DDAH1: variants seen among roughly 807,000 people sequenced by gnomAD.
DDAH1 encodes N(G),N(G)-dimethylarginine dimethylaminohydrolase 1.
In DDAH1, 19 loss-of-function variants were observed where a neutral mutation model predicts 28.8. The ratio of observed to expected loss-of-function variants is 0.66; its 90% confidence interval spans 0.46 to 0.97. The LOEUF (loss-of-function observed/expected upper bound fraction) is 0.97, where lower values mean the gene tolerates loss of function less well. DDAH1 is among the 50% of genes least tolerant of loss of function. The pLI is 0.00. For missense variants in DDAH1, 326 were observed against 375.9 expected (o/e 0.87, Z 1.10); for synonymous variants, 153 against 154.4 (o/e 0.99, Z 0.07).
At chr1:85,550,826 G>A (rs567111021) in intron 1 of DDAH1, among the ~76,000 whole-genome samples, 84 of 152,264 alleles carry the variant, frequency 5.5e-4, no homozygotes, top group Middle Eastern at 3.4e-3. Context: ...GAAGGCAGAC[G>A]TGTCATCTAT....
intron 2 of DDAH1, among the ~76,000 whole-genome samples, chr1:85,471,390 C>T (rs965775719): frequency 3.3e-5 from 5 of 152,220 alleles, no homozygotes; most frequent in African/African-American, 7.2e-5. Flanking sequence ...TAAACATGCT[C>T]TTCAGAATTC....
chr1:85,526,796 A>C (rs1379219420), intron 1 of DDAH1, among the ~76,000 whole-genome samples: 2 of 147,226 alleles, frequency 1.4e-5, no homozygotes, highest in African/African-American at 5.1e-5. Context: ...CTGGCCCTGG[A>C]ATGTTTGATA....
At chr1:85,369,055 C>CTTTTTTTTT (rs36109764) in intron 1 of DDAH1, among the ~76,000 whole-genome samples, 1 of 84,610 alleles carries the variant, frequency 1.2e-5, no homozygotes, top group Non-Finnish European at 2.2e-5. Flanking sequence ...CCAGGGGATT[C>CTTTTTTTTT]TTTTTTTTTT....
intron 1 of DDAH1, among the ~76,000 whole-genome samples, chr1:85,408,588 AG>A (rs1258346146): frequency 6.6e-6 from 1 of 152,214 alleles, no homozygotes; most frequent in African/African-American, 2.4e-5. Context: ...ATTGCTAAAA[AG>A]TATGTCACAG....
At chr1:85,332,446 G>A (rs1647835071) in intron 4 of DDAH1, among the ~76,000 whole-genome samples, 1 of 152,220 alleles carries the variant, frequency 6.6e-6, no homozygotes, top group Admixed American at 6.5e-5. Context: ...TAGAAGGGCT[G>A]CTTCACACTA....
At chr1:85,456,431 G>A (rs865953460) in intron 1 of DDAH1, among the ~76,000 whole-genome samples, 2 of 152,226 alleles carry the variant, frequency 1.3e-5, no homozygotes, top group South Asian at 2.1e-4. Context: ...TGGTGCAAAA[G>A]TGATATGAAT....
chr1:85,452,306 A>G (rs748000423), intron 1 of DDAH1, among the ~76,000 whole-genome samples: 5 of 152,190 alleles, frequency 3.3e-5, no homozygotes, highest in Non-Finnish European at 7.3e-5. Context: ...AGTAGATTTA[A>G]AACCTGTTGA....
chr1:85,478,865 TG>T, intron 2 of DDAH1, among the ~76,000 whole-genome samples: 1 of 152,268 alleles, frequency 6.6e-6, no homozygotes, highest in East Asian at 1.9e-4. Context: ...TGATAAAGAA[TG>T]GGTTGTTAAT....
rs114774200 is a variant in DDAH1, at chr1:85,560,392, T to C, written c.-123+17592A>G. Reference sequence around the variant, plus strand: ...GATCTATACAAAGGAATAATGAATGTCAGAAATGATAAACATGTGAGTAAA... The same window carrying C: ...GATCTATACAAAGGAATAATGAATGCCAGAAATGATAAACATGTGAGTAAA... On this transcript the variant is annotated intron_variant, in intron 1 of 6. Transcript: ENST00000426972. 7.1e-3 allele frequency among the ~76,000 whole-genome samples: 1,080 copies of C among 152,220 alleles called. 13 individuals carry two copies. Among genetic ancestry groups the C allele is most frequent in the African/African-American group, 0.025 (1,030 of 41,556 alleles).
At chr1:85,566,833 T>C (rs1470826156) in intron 1 of DDAH1, among the ~76,000 whole-genome samples, 1 of 152,100 alleles carries the variant, frequency 6.6e-6, no homozygotes, top group African/African-American at 2.4e-5. Flanking sequence ...GAGAGAGATT[T>C]ATTATAAGGA....
intron 2 of DDAH1, chr1:85,488,160 G>C (rs1247213953): frequency 6.6e-6 from 1 of 152,090 alleles, no homozygotes; most frequent in Non-Finnish European, 1.5e-5. Flanking sequence ...CTCCAGCCTG[G>C]GTGACAGAAC....
chr1:85,408,134 C>T (rs750459409), intron 1 of DDAH1, among the ~76,000 whole-genome samples: 19 of 152,192 alleles, frequency 1.2e-4, no homozygotes, highest in Admixed American at 2.0e-4. Context: ...GAAACCAAAT[C>T]CTTGTTTCCC....
intron 3 of DDAH1, among the ~76,000 whole-genome samples, chr1:85,350,768 T>C (rs1452849582): frequency 2.0e-5 from 3 of 152,152 alleles, no homozygotes; most frequent in Non-Finnish European, 2.9e-5. Context: ...GGCTGTTTGA[T>C]CTATGGAGTG....
intron 1 of DDAH1, among the ~76,000 whole-genome samples, chr1:85,415,026 TTTTTTTG>T (rs1485447800): frequency 7.2e-6 from 1 of 139,178 alleles, no homozygotes; most frequent in African/African-American, 2.7e-5. Flanking sequence ...TTTTTTTTTT[TTTTTTTG>T]AGATGGAGTC....
At chr1:85,510,373 C>T (rs987267930) in intron 1 of DDAH1, among the ~76,000 whole-genome samples, 6 of 152,080 alleles carry the variant, frequency 3.9e-5, no homozygotes, top group Admixed American at 1.3e-4. Context: ...AAGAAAGAAC[C>T]GGAACCAGCT....
intron 1 of DDAH1, among the ~76,000 whole-genome samples, chr1:85,444,842 G>C (rs975298096): frequency 3.3e-5 from 5 of 149,796 alleles, no homozygotes; most frequent in African/African-American, 1.2e-4. Context: ...GGGTTCTCTA[G>C]AGGAACAGAA....
intron 1 of DDAH1, chr1:85,521,539 G>C (rs1657689546): frequency 1.1e-6 from 1 of 881,298 alleles, no homozygotes; most frequent in Admixed American, 6.2e-5. Flanking sequence ...TTGCCTCACT[G>C]ATGTGTTTCT....
intron 1 of DDAH1, among the ~76,000 whole-genome samples, chr1:85,503,879 G>A (rs1656915103): frequency 6.6e-6 from 1 of 152,074 alleles, no homozygotes; most frequent in African/African-American, 2.4e-5. Context: ...GTCTAGGGAG[G>A]GAGAACTTCA....
At chr1:85,482,724 T>G (rs1339367593) in intron 2 of DDAH1, among the ~76,000 whole-genome samples, 1 of 152,208 alleles carries the variant, frequency 6.6e-6, no homozygotes, top group Non-Finnish European at 1.5e-5. Context: ...ACATGTGCAC[T>G]CACAAAGGCA....
Sources: gnomAD v4.1 joint callset for allele counts (sites outside exome capture counted in the v4.1 genomes callset) on GRCh38, gnomAD v4.1.1 for gene constraint, MANE v1.5 for transcripts, NCBI Gene and HGNC (gene_info 2026-07-23, HGNC 2026-07-21) for gene names.